SLC12A8: variants seen among roughly 807,000 people sequenced by gnomAD.
The protein encoded by SLC12A8 is solute carrier family 12 member 8, also known as cation-chloride cotransporter 9.
In SLC12A8, 69 loss-of-function variants were observed where a neutral mutation model predicts 75.6. The observed-to-expected ratio is 0.91, with a 90% CI of 0.75 to 1.11. The LOEUF is 1.11. SLC12A8 is among the 50% of genes most tolerant of loss of function. The pLI, the probability that SLC12A8 is intolerant of heterozygous loss-of-function variation, is 0.00. For missense variants in SLC12A8, 877 were observed against 896.7 expected (o/e 0.98, Z 0.28); for synonymous variants, 365 against 372.8 (o/e 0.98, Z 0.24).
chr3:125,205,409 C>G (rs1335802937), intron 2 of SLC12A8, among the ~76,000 whole-genome samples: 1 of 151,966 alleles, frequency 6.6e-6, no homozygotes, highest in Non-Finnish European at 1.5e-5. Context: ...AACACTTTCA[C>G]TCCAGTTTCT....
chr3:125,176,392 A>G (rs1458643476), intron 5 of SLC12A8, among the ~76,000 whole-genome samples: 3 of 152,136 alleles, frequency 2.0e-5, no homozygotes, highest in Admixed American at 1.3e-4. Context: ...ATAGCAAGAA[A>G]ATAAAAGGAC....
chr3:125,099,153 C>T (rs1168838635), intron 10 of SLC12A8, among the ~76,000 whole-genome samples: 3 of 144,744 alleles, frequency 2.1e-5, no homozygotes, highest in Non-Finnish European at 4.4e-5. Context: ...GAGAGCAGAG[C>T]CTTAAGGGCT....
At chr3:125,183,842 C>T (rs1253668331) in intron 4 of SLC12A8, among the ~76,000 whole-genome samples, 1 of 152,050 alleles carries the variant, frequency 6.6e-6, no homozygotes, top group Non-Finnish European at 1.5e-5. Flanking sequence ...ATCGTCTCCT[C>T]CCCTGACAAA....
At chr3:125,113,455 TCATCCATC>T (rs556606128) in intron 8 of SLC12A8, among the ~76,000 whole-genome samples, 3 of 152,284 alleles carry the variant, frequency 2.0e-5, no homozygotes, top group Non-Finnish European at 2.9e-5. Flanking sequence ...CTGTCATTTG[TCATCCATC>T]CATCCATCCA....
intron 12 of SLC12A8, among the ~76,000 whole-genome samples, chr3:125,089,689 T>C (rs1167801707): frequency 1.6e-5 from 1 of 60,736 alleles, no homozygotes; most frequent in East Asian, 3.1e-3. Context: ...CCTTTTTCTC[T>C]TTTTTTTTTT....
Position 125,161,863 on chromosome 3 carries a change from G to A in SLC12A8, c.622+15880C>T, listed in dbSNP as rs148666483. 1.2e-4 allele frequency among the ~76,000 whole-genome samples: 19 copies of A among 152,262 alleles called. No homozygotes were observed. In the East Asian group the frequency reaches 3.7e-3, roughly 29 times the overall value. Reference sequence around the variant, plus strand: ...TGTCCAGTATATAACGCCTCCCTAAGCATCTCCTTTCCTTGCAAACAAAAA... The same window carrying A: ...TGTCCAGTATATAACGCCTCCCTAAACATCTCCTTTCCTTGCAAACAAAAA... On this transcript the variant is annotated intron_variant, in intron 5 of 13. Coordinates refer to ENST00000469902, the MANE Select transcript of SLC12A8 (RefSeq NM_024628.6).
At chr3:125,114,795 C>T (rs1939267601) in intron 8 of SLC12A8, among the ~76,000 whole-genome samples, 1 of 152,166 alleles carries the variant, frequency 6.6e-6, no homozygotes, top group Non-Finnish European at 1.5e-5. Flanking sequence ...AGTTAGCAAG[C>T]CCCAGGGCTC....
intron 6 of SLC12A8, among the ~76,000 whole-genome samples, chr3:125,121,154 C>G (rs6789966): frequency 0.34 from 52,350 of 152,100 alleles, 9,244 homozygotes; most frequent in East Asian, 0.51. Flanking sequence ...CCTCCAAGCC[C>G]CTGAGCTACC....
In SLC12A8 at chr3:125,088,334, C is replaced by T; in HGVS notation, c.1958G>A (p.Arg653Lys). The T allele has an allele frequency of 6.2e-7, 1 of 1,614,172 alleles. No homozygotes were observed. Among genetic ancestry groups the T allele is most frequent in the Non-Finnish European group, 8.5e-7 (1 of 1,180,032 alleles). Residue 653 changes from arginine (R) to lysine (K), a missense_variant, in exon 13 of 14, where the codon AGG becomes AAG. Coordinates refer to ENST00000469902, the MANE Select transcript of SLC12A8 (RefSeq NM_024628.6). ...CCTGCAGGAGGGGAGCAAGAGAGACCTCATCCACCGGAAAAAGCTGAAGTT... is the reference window on the plus strand; with the variant it reads ...CCTGCAGGAGGGGAGCAAGAGAGACTTCATCCACCGGAAAAAGCTGAAGTT... ...ASNFSFFRWM[R>K]SLLLPSCRSL...
rs199860299 is a variant in SLC12A8, at chr3:125,088,344, G to A, written c.1948C>T (p.Arg650Trp). 2.4e-5 allele frequency: 39 copies of A among 1,613,986 alleles called. No homozygotes were observed. Among genetic ancestry groups the A allele is most frequent in the East Asian group, 8.9e-5 (4 of 44,898 alleles). Residue 650 changes from arginine (R) to tryptophan (W), a missense_variant, in exon 13 of 14, where the codon CGG (arginine) becomes TGG (tryptophan). Arg to Trp is a moderately radical substitution (Grantham distance 101, BLOSUM62 -3). Coordinates refer to ENST00000469902, the MANE Select transcript of SLC12A8 (RefSeq NM_024628.6). ...GGGAGCAAGAGAGACCTCATCCACC[G>A]GAAAAAGCTGAAGTTGGAGGCTGAT... The part of the protein sequence containing the change: ...LGSASNFSFF[R>W]WMRSLLLPSC...
chr3:125,192,491 A>G (rs1316767041), intron 2 of SLC12A8: 1 of 152,862 alleles, frequency 6.5e-6, no homozygotes, highest in Non-Finnish European at 1.5e-5. Flanking sequence ...TGCCTTACCC[A>G]TGAATGCCTT....
intron 6 of SLC12A8, among the ~76,000 whole-genome samples, chr3:125,122,828 A>G (rs974707768): frequency 1.3e-5 from 2 of 152,222 alleles, no homozygotes; most frequent in Admixed American, 1.3e-4. Flanking sequence ...TAGAAACAGA[A>G]CAACCCAGGC....
chr3:125,110,268 C>T lies in SLC12A8; in HGVS notation c.980G>A (p.Gly327Glu), dbSNP rs200808328. ...CAGGATGCGGGGAGCTCCATAAAGT[C>T]CTCCCATGCAGGAAGCCAGGGACGA... ...YISSLASCMG[G>E]LYGAPRILQC... is the part of the protein sequence containing the mutation. The change falls in exon 9 of 14, where the codon GGA (glycine) becomes GAA (glutamate). Residue 327 changes from glycine (G) to glutamate (E), a missense_variant. Gly to Glu is a moderately conservative substitution (Grantham distance 98). Coordinates refer to ENST00000469902, the MANE Select transcript of SLC12A8 (RefSeq NM_024628.6). The T allele has an allele frequency of 7.9e-5, 127 of 1,614,028 alleles. 1 individual carries two copies. The East Asian group carries it at 2.8e-3, about 35-fold the overall frequency.
At chr3:125,155,378 C>T (rs1001353330) in intron 5 of SLC12A8, among the ~76,000 whole-genome samples, 2 of 152,040 alleles carry the variant, frequency 1.3e-5, no homozygotes, top group South Asian at 2.1e-4. Flanking sequence ...GTATTAATTT[C>T]GGCGAGGCTG....
rs1018668236 is a variant in SLC12A8, at chr3:125,107,334, C to T, written c.1705+147G>A. The stretch of plus-strand genomic sequence containing the variant: ...ATAATTACAAATAATTCAGCTGATA[C>T]CTGAATATAATGTTTTAAAACAAAT... On this transcript the variant is annotated intron_variant, in intron 10 of 13. Transcript: ENST00000469902. 4.1e-6 allele frequency: 3 copies of T among 731,672 alleles called. No individual in the cohort carries two copies. The Admixed American group carries it at 7.6e-5, about 18-fold the overall frequency. 45.3% of individuals were successfully genotyped at this position (731,672 alleles called of 1,614,324 possible).
intron 10 of SLC12A8, among the ~76,000 whole-genome samples, chr3:125,101,358 A>C (rs1377386519): frequency 6.6e-6 from 1 of 152,268 alleles, no homozygotes; most frequent in East Asian, 1.9e-4. Flanking sequence ...GCTACTAATA[A>C]TACTTAACAA....
Position 125,190,424 on chromosome 3 carries a change from A to C in SLC12A8, c.149T>G (p.Met50Arg), listed in dbSNP as rs777897151. 1.9e-6 allele frequency: 3 copies of C among 1,614,236 alleles called. No individual in the cohort carries two copies. The highest frequency in any genetic ancestry group is 1.7e-6 in the Non-Finnish European group (2 of 1,180,042). ...GAGCACAACCCCAAAGATGTTGATC[A>C]TGCAGGATGTGAACACACCATCCCA... ...GTWDGVFTSC[M>R]INIFGVVLFL... is the part of the protein sequence containing the mutation. Residue 50 changes from methionine to arginine, a missense_variant, in exon 3 of 14, where the codon ATG becomes AGG. Transcript: ENST00000469902.
intron 5 of SLC12A8, among the ~76,000 whole-genome samples, chr3:125,147,772 C>T (rs944775261): frequency 1.3e-5 from 2 of 152,164 alleles, no homozygotes; most frequent in African/African-American, 4.8e-5. Flanking sequence ...AGGAAACTAC[C>T]TTGCTATGCA....
rs781173317 is a variant in SLC12A8 at position 125,177,770 on chromosome 3, C to A, written c.595G>T (p.Val199Leu). Residue 199 changes from valine (V) to leucine (L), a missense_variant, in exon 5 of 14, where the codon GTG (valine) becomes TTG (leucine). Coordinates refer to ENST00000469902, the MANE Select transcript of SLC12A8 (RefSeq NM_024628.6). Reference sequence around the variant, plus strand: ...GGGTCCAGGTGGGTGAAAGAACCCACCACAAAGTCCAGTGTGGACACGGCC... The same window carrying A: ...GGGTCCAGGTGGGTGAAAGAACCCAACACAAAGTCCAGTGTGGACACGGCC... Reference protein sequence around the residue: ...LLAVSTLDFVVGSFTHLDPEH... With the variant: ...LLAVSTLDFVLGSFTHLDPEH... 1 of 1,614,166 alleles carries A rather than the reference C, an allele frequency of 6.2e-7. No homozygotes were observed. Among genetic ancestry groups the A allele is most frequent in the Non-Finnish European group, 8.5e-7 (1 of 1,180,038 alleles).
Sources: allele counts gnomAD v4.1 joint callset (sites outside exome capture counted in the v4.1 genomes callset), GRCh38; gene constraint gnomAD v4.1.1; transcripts MANE v1.5; gene names NCBI Gene and HGNC (gene_info 2026-07-23, HGNC 2026-07-21).